Variants in ANP32B observed in about 807,000 individuals in gnomAD.
ANP32B encodes the protein acidic nuclear phosphoprotein 32 family member B, also known as acidic leucine-rich nuclear phosphoprotein 32 family member B.
In ANP32B, 6 loss-of-function variants were observed where a neutral mutation model predicts 32.2. The observed-to-expected ratio is 0.19, with a 90% CI of 0.10 to 0.37. The LOEUF (loss-of-function observed/expected upper bound fraction) is 0.37. ANP32B is among the 10% of genes least tolerant of loss of function. The probability of loss-of-function intolerance (pLI) is 1.00; values close to 1 mark genes in which losing one functional copy is unlikely to be tolerated. For synonymous variants in ANP32B, 98 were observed against 105.8 expected, an observed-to-expected ratio of 0.93 and a Z score of 0.45; for missense variants, 204 against 289.2, an observed-to-expected ratio of 0.71 and a Z score of 2.14.
chr9:98,012,272 A>G (rs1828198639), intron 5 of ANP32B, 149 bp from the exon 6 acceptor site: 2 of 1,063,286 alleles, frequency 1.9e-6, no homozygotes, highest in East Asian at 2.7e-5. Context: ...GTCTTGGTAC[A>G]TCAAAGTAGA....
In ANP32B at chr9:97,999,043, G is replaced by A. The variant is rs1323240156; in HGVS notation, c.327+365G>A. ...AGGATGGTCTCGATCTCCTGACCTC[G>A]TGATCCGCCCGCCTCGGCCTCCCAA... On this transcript the variant is annotated intron_variant, in intron 3 of 6. Coordinates refer to ENST00000339399, the MANE Select transcript of ANP32B (RefSeq NM_006401.3). Among the ~76,000 whole-genome samples the A allele has an allele frequency of 1.6e-4, 4 of 25,614 alleles. 1 individual carries two copies. In the East Asian group the frequency reaches 1.6e-3, roughly 10 times the overall value. The allele number at this position is 25,614 out of a possible 152,430, so 16.8% of individuals were successfully genotyped here.
intron 6 of ANP32B, 117 bp downstream of exon 6, chr9:98,012,589 A>G: frequency 7.0e-7 from 1 of 1,423,254 alleles, no homozygotes. Flanking sequence ...CTGGTGGTTT[A>G]CACATTCACA....
Position 97,983,346 on chromosome 9 carries a change from C to T in ANP32B, c.-210C>T, listed in dbSNP as rs1207279050. On this transcript the variant is annotated 5_prime_UTR_variant, in exon 1 of 7. Coordinates refer to ENST00000339399, the MANE Select transcript of ANP32B (RefSeq NM_006401.3). ...CAGCGCTGCGCTCCAGCCCCCTTTT[C>T]CCTCCATGGTTTCTCTCCGCTCCCG... The T allele has an allele frequency of 3.9e-6, 2 of 517,258 alleles. No individual in the cohort carries two copies. Among genetic ancestry groups the T allele is most frequent in the East Asian group, 3.7e-5 (1 of 27,136 alleles). 32.0% of individuals were successfully genotyped at this position (517,258 alleles called of 1,614,324 possible). A position where few individuals can be genotyped will look rare whatever the true frequency, so the allele number is the denominator to read the frequency against.
intron 1 of ANP32B, among the ~76,000 whole-genome samples, chr9:97,991,468 C>G (rs1827824537): frequency 6.6e-6 from 1 of 151,988 alleles, no homozygotes; most frequent in African/African-American, 2.4e-5. Flanking sequence ...CTTGTCTGTC[C>G]TTCGTTAGTG....
At position 98,011,350 on chromosome 9, in the gene ANP32B, T is replaced by C. The variant is rs1161942046; in HGVS notation, c.597T>C (p.Asp199=). The C allele has an allele frequency of 6.6e-6, 10 of 1,519,454 alleles. No individual in the cohort carries two copies. In the African/African-American group the frequency reaches 1.4e-4, roughly 21 times the overall value. 94.1% of individuals were successfully genotyped at this position (1,519,454 alleles called of 1,614,324 possible). The change falls in exon 5 of 7, where the codon GAT becomes GAC. Residue 199 remains aspartate (D), a synonymous_variant. Coordinates refer to ENST00000339399, the MANE Select transcript of ANP32B (RefSeq NM_006401.3). ...ATGAAGAAGATGATGAAGATGAAGA[T>C]GTAGAAGGGGATGAGGACGACGATG... is the stretch of plus-strand genomic sequence containing the variant. The part of the protein sequence containing the change: ...EFDEEDDEDE[D]VEGDEDDDEV...
chr9:97,984,106 C>T (rs1042493910), intron 1 of ANP32B, among the ~76,000 whole-genome samples: 6 of 149,592 alleles, frequency 4.0e-5, no homozygotes, highest in African/African-American at 1.5e-4. Flanking sequence ...GTGGCCGGAG[C>T]TCGCCGTGGG....
rs1283480300 is a variant in ANP32B, at chr9:98,011,303, G to A, written c.550G>A (p.Asp184Asn). The A allele has an allele frequency of 6.5e-7, 1 of 1,549,618 alleles. No individual in the cohort carries two copies. The highest frequency in any genetic ancestry group is 1.4e-5 in the African/African-American group (1 of 73,154). Residue 184 changes from aspartate to asparagine, a missense_variant, in exon 5 of 7, where the codon GAT becomes AAT. Physicochemically the swap from Asp to Asn is conservative, Grantham distance 23. Transcript: ENST00000339399. ...GEDEEDEDDE[D>N]GEEEEFDEED... ...AGATGAGGAAGACGAGGACGATGAG[G>A]ATGGTGAAGAAGAGGAGTTTGATGA...
At position 98,015,437 on chromosome 9, in the gene ANP32B, C is replaced by G; in HGVS notation, c.*6C>G. On this transcript the variant is annotated 3_prime_UTR_variant, in exon 7 of 7. Coordinates refer to ENST00000339399, the MANE Select transcript of ANP32B (RefSeq NM_006401.3). ...ATGAAGGAGAAGATGATTAAGACCC[C>G]AGATGACCTGCAGAAACAGAACTGT... 1 of 1,549,418 alleles carries G rather than the reference C, an allele frequency of 6.5e-7. No homozygotes were observed. Among genetic ancestry groups the G allele is most frequent in the South Asian group, 1.2e-5 (1 of 83,962 alleles).
intron 1 of ANP32B, among the ~76,000 whole-genome samples, chr9:97,990,727 ATC>A (rs1237767919): frequency 6.6e-6 from 1 of 151,006 alleles, no homozygotes; most frequent in Non-Finnish European, 1.5e-5. Context: ...CATCCTAGCC[ATC>A]TCTCTTGAAG....
At chr9:98,003,815 C>T (rs1413233581) in intron 3 of ANP32B, among the ~76,000 whole-genome samples, 2 of 152,022 alleles carry the variant, frequency 1.3e-5, no homozygotes, top group South Asian at 2.1e-4. Context: ...TAGAGAATAC[C>T]GAAGTTTTTC....
intron 4 of ANP32B, among the ~76,000 whole-genome samples, chr9:98,010,747 CCT>C (rs1167637047): frequency 6.6e-5 from 10 of 152,084 alleles, no homozygotes; most frequent in African/African-American, 2.4e-4. Context: ...CCTCCTGTCC[CCT>C]GAGTCACAGG....
chr9:98,012,111 G>A (rs1453964655), intron 5 of ANP32B, among the ~76,000 whole-genome samples: 2 of 152,130 alleles, frequency 1.3e-5, no homozygotes, highest in Non-Finnish European at 2.9e-5. Flanking sequence ...AGAAATTTTT[G>A]TCTAAATCTG....
chr9:98,012,644 C>G (rs1176120002), intron 6 of ANP32B, among the ~76,000 whole-genome samples, 172 bp downstream of exon 6: 1 of 152,234 alleles, frequency 6.6e-6, no homozygotes. Flanking sequence ...CTGGTGCAGG[C>G]TCCCTGCTGC....
chr9:97,995,396 T>C (rs548122249), intron 2 of ANP32B, among the ~76,000 whole-genome samples: 60 of 152,342 alleles, frequency 3.9e-4, no homozygotes, highest in African/African-American at 1.3e-3. Flanking sequence ...GGAAAAGATA[T>C]GTGGTTATAT....
At chr9:98,011,204 TC>T (rs1828177261) in intron 4 of ANP32B, 66 bp from the exon 5 acceptor site, 25 of 1,512,226 alleles carry the variant, frequency 1.7e-5, no homozygotes, top group Middle Eastern at 1.7e-4. Context: ...AGCCCACAGA[TC>T]CTCAACACTT....
At position 98,015,918 on chromosome 9, in the gene ANP32B, G is replaced by A. The variant is rs562585176; in HGVS notation, c.*487G>A. 6.1e-6 allele frequency: 6 copies of A among 980,782 alleles called. No homozygotes were observed. The highest frequency in any genetic ancestry group is 1.8e-5 in the African/African-American group (1 of 57,134). 60.8% of individuals were successfully genotyped at this position (980,782 alleles called of 1,614,324 possible). A position where few individuals can be genotyped will look rare whatever the true frequency, so the allele number is the denominator to read the frequency against. ...AAAAAGTATTTTTAAGAATTTAAGC[G>A]AAATAAACAGTTACTCTTTGGTAAA... On this transcript the variant is annotated 3_prime_UTR_variant, in exon 7 of 7. Transcript: ENST00000339399.
rs372496691 is a variant in ANP32B at position 98,005,205 on chromosome 9, G to A, written c.517+52G>A. The A allele has an allele frequency of 7.3e-5, 115 of 1,571,046 alleles. 1 individual carries two copies. The African/African-American group carries it at 9.4e-4, about 13-fold the overall frequency. ...CTGATGTCTGCCTTTCAAAGCCTCT[G>A]ATAAAAGCTATTGGATGTTGGCCGG... On this transcript the variant is annotated intron_variant, in intron 4 of 6. Coordinates refer to ENST00000339399, the MANE Select transcript of ANP32B (RefSeq NM_006401.3).
intron 4 of ANP32B, among the ~76,000 whole-genome samples, chr9:98,008,362 G>C (rs1004830099): frequency 4.6e-5 from 7 of 152,168 alleles, no homozygotes; most frequent in Admixed American, 1.3e-4. Context: ...AAAAGAGTTT[G>C]AGCATTACTT....
intron 1 of ANP32B, chr9:97,986,427 C>G (rs1248031858): frequency 6.6e-6 from 1 of 152,148 alleles, no homozygotes; most frequent in Non-Finnish European, 1.5e-5. Context: ...GAGGAAGGTT[C>G]CCTTAGGGAG....
Sources: gnomAD v4.1 joint callset for allele counts (sites outside exome capture counted in the v4.1 genomes callset) on GRCh38, gnomAD v4.1.1 for gene constraint, MANE v1.5 for transcripts, NCBI Gene and HGNC (gene_info 2026-07-23, HGNC 2026-07-21) for gene names.